SCUBE1: variants seen among roughly 807,000 people sequenced by gnomAD.
The protein encoded by SCUBE1 is signal peptide, CUB domain and EGF like domain containing 1.
SCUBE1 carries 59 observed loss-of-function variants against 124.4 expected under a neutral mutation model. The ratio of observed to expected loss-of-function variants is 0.47; its 90% CI spans 0.38 to 0.59. The LOEUF is 0.59. SCUBE1 is among the 20% of genes least tolerant of loss of function. The pLI, the probability that SCUBE1 is intolerant of heterozygous loss-of-function variation, is 0.00. For missense variants in SCUBE1, 1,150 were observed against 1,371.2 expected (o/e 0.84, Z 2.55); for synonymous variants, 545 against 550.9 (o/e 0.99, Z 0.15).
intron 3 of SCUBE1, among the ~76,000 whole-genome samples, chr22:43,292,066 C>G (rs73424023): frequency 0.028 from 4,286 of 152,242 alleles, 221 homozygotes; most frequent in African/African-American, 0.099. Flanking sequence ...TGCAACCCCA[C>G]GAGCCCCGTC....
At chr22:43,206,173 A>T in intron 21 of SCUBE1, among the ~76,000 whole-genome samples, 1 of 90,732 alleles carries the variant, frequency 1.1e-5, no homozygotes. Flanking sequence ...AACACACCAC[A>T]CACCCACCAC....
In SCUBE1 at chr22:43,222,707, G is replaced by T. The variant is rs1381712927; in HGVS notation, c.1363C>A (p.Pro455Thr). 2 of 1,606,360 alleles carry T rather than the reference G, an allele frequency of 1.2e-6. No homozygotes were observed. Among genetic ancestry groups the T allele is most frequent in the Admixed American group, 3.4e-5 (2 of 59,276 alleles). Residue 455 changes from proline (P) to threonine (T), a missense_variant, in exon 12 of 22, where the codon CCA (proline) becomes ACA (threonine). Physicochemically the swap from Pro to Thr is conservative, Grantham distance 38. Around this residue, in one of 3 missense-constraint regions of SCUBE1, gnomAD observed 757 missense variants for 840.9 expected, o/e 0.90. Coordinates refer to ENST00000360835, the MANE Select transcript of SCUBE1 (RefSeq NM_173050.5). ...ENSYVLSCGV[P>T]GPQGKALQKR... ...TGCAGCGCCTTGCCCTGCGGCCCTG[G>T]AACTCCGCAGCTCAGGACGTAGCTA...
intron 15 of SCUBE1, among the ~76,000 whole-genome samples, chr22:43,214,456 C>T (rs1469073565): frequency 6.6e-6 from 1 of 152,198 alleles, no homozygotes; most frequent in Non-Finnish European, 1.5e-5. Flanking sequence ...GAAGCCTGGC[C>T]CCTCTGGCTG....
At chr22:43,227,346 G>T (rs1569501405) in intron 10 of SCUBE1, 28 bp downstream of exon 10, 1 of 1,598,034 alleles carries the variant, frequency 6.3e-7, no homozygotes, top group Admixed American at 1.7e-5. Flanking sequence ...TGCAGGGGAG[G>T]GGCCAGCAGC....
chr22:43,329,505 C>A (rs1569033564), intron 2 of SCUBE1, among the ~76,000 whole-genome samples: 1 of 152,274 alleles, frequency 6.6e-6, no homozygotes, highest in Non-Finnish European at 1.5e-5. Context: ...TCCATGGACA[C>A]ACTCCCAGCT....
chr22:43,207,693 C>CGGAG (rs1415312827), intron 20 of SCUBE1, 80 bp from the exon 21 acceptor site: 18 of 1,109,146 alleles, frequency 1.6e-5, no homozygotes, highest in East Asian at 7.2e-5. Context: ...CAGCCTCTGC[C>CGGAG]CTCCCTCCTG....
Position 43,198,254 on chromosome 22 carries a change from T to G in SCUBE1, c.*5743A>C, listed in dbSNP as rs1601785002. ...CTTCTTCCTGTTGGGGCTTGGGGGG[T>G]GCAGACAATTCCAGGGGGCTCACTC... On this transcript the variant is annotated 3_prime_UTR_variant, in exon 22 of 22. Transcript: ENST00000360835. The G allele has an allele frequency of 1.4e-5, 4 of 289,642 alleles. No individual in the cohort carries two copies. The highest frequency in any genetic ancestry group is 6.2e-5 in the South Asian group (2 of 32,020). The allele number at this position is 289,642 out of a possible 1,614,324, so 17.9% of individuals were successfully genotyped here.
Position 43,210,054 on chromosome 22 carries a change from A to T in SCUBE1, c.2570T>A (p.Met857Lys). Reference protein sequence around the residue: ...IEDECGDVLVMRKSASPTSIT... With the variant: ...IEDECGDVLVKRKSASPTSIT... ...GGCCCCCAACATACCACTCTTCCTC[A>T]TGACCAGAACATCGCCGCACTCATC... is the stretch of plus-strand genomic sequence containing the variant. The change falls in exon 19 of 22, where the codon ATG (methionine) becomes AAG (lysine). Residue 857 changes from methionine (M) to lysine (K), a missense_variant. Met to Lys is a moderately conservative substitution (Grantham distance 95). Transcript: ENST00000360835. The surrounding 1 kb of genome is among the most constrained non-coding windows in gnomAD (Gnocchi z 4.5). 1 of 1,607,092 alleles carries T rather than the reference A, an allele frequency of 6.2e-7. No homozygotes were observed. The highest frequency in any genetic ancestry group is 8.5e-7 in the Non-Finnish European group (1 of 1,176,566).
At chr22:43,209,577 G>A (rs1424589293) in intron 19 of SCUBE1, among the ~76,000 whole-genome samples, 1 of 152,224 alleles carries the variant, frequency 6.6e-6, no homozygotes, top group Non-Finnish European at 1.5e-5. Context: ...CTCACAGAGG[G>A]GTGGGGAGGG....
At chr22:43,215,446 G>A (rs954468175) in intron 15 of SCUBE1, among the ~76,000 whole-genome samples, 1 of 152,244 alleles carries the variant, frequency 6.6e-6, no homozygotes, top group Non-Finnish European at 1.5e-5. Flanking sequence ...AGAGGTGGCT[G>A]ACATGGCGGG....
In SCUBE1 at chr22:43,315,019, A is replaced by AT. The variant is rs5845593; in HGVS notation, c.349+4917dup. On this transcript the variant is annotated intron_variant, in intron 3 of 21. Transcript: ENST00000360835. ...AGATGGAATGATGCTAGAAATATTG[A>AT]TTTTTTTTAATGTGATAACCCCTAA... Among the ~76,000 whole-genome samples the AT allele has an allele frequency of 7.9e-5, 12 of 151,838 alleles. No individual in the cohort carries two copies. In the East Asian group the frequency reaches 9.7e-4, roughly 12 times the overall value.
At chr22:43,297,148 G>A (rs918270008) in intron 3 of SCUBE1, among the ~76,000 whole-genome samples, 2 of 152,224 alleles carry the variant, frequency 1.3e-5, no homozygotes, top group Admixed American at 6.5e-5. Flanking sequence ...TCTCCCAAGG[G>A]TCTGACCAAG....
intron 10 of SCUBE1, among the ~76,000 whole-genome samples, chr22:43,226,234 C>T (rs1174807654): frequency 3.3e-5 from 5 of 152,146 alleles, no homozygotes; most frequent in Non-Finnish European, 7.4e-5. Context: ...GACAGACAGA[C>T]ATACACCAAC....
chr22:43,224,762 G>C (rs1922236773), intron 10 of SCUBE1, among the ~76,000 whole-genome samples: 1 of 152,090 alleles, frequency 6.6e-6, no homozygotes, highest in African/African-American at 2.4e-5. Flanking sequence ...GTCTGGTTGG[G>C]GGAACCGGAA....
intron 3 of SCUBE1, among the ~76,000 whole-genome samples, chr22:43,305,981 G>C (rs1925954339): frequency 1.3e-5 from 2 of 152,198 alleles, no homozygotes. Flanking sequence ...GGGGTGCCAG[G>C]GCAGCCTGAT....
At chr22:43,246,282 A>G (rs1923207081) in intron 6 of SCUBE1, among the ~76,000 whole-genome samples, 1 of 152,030 alleles carries the variant, frequency 6.6e-6, no homozygotes, top group South Asian at 2.1e-4. Flanking sequence ...TGTGGGTGGG[A>G]TCCCTGGGGC....
At chr22:43,310,310 G>A (rs542022583) in intron 3 of SCUBE1, among the ~76,000 whole-genome samples, 65 of 152,162 alleles carry the variant, frequency 4.3e-4, no homozygotes, top group Middle Eastern at 3.4e-3. Context: ...CTTACCCCGG[G>A]CAGACCTCTG....
chr22:43,240,877 T>C (rs549065297), intron 6 of SCUBE1, among the ~76,000 whole-genome samples: 1 of 152,086 alleles, frequency 6.6e-6, no homozygotes, highest in East Asian at 1.9e-4. Context: ...TCTGGAGAGG[T>C]GGGCAGAGAA....
Position 43,211,620 on chromosome 22 carries a change from G to A in SCUBE1, c.2222-537C>T, listed in dbSNP as rs1458829045. 3.3e-5 allele frequency among the ~76,000 whole-genome samples: 5 copies of A among 151,680 alleles called. No individual in the cohort carries two copies. Among genetic ancestry groups the A allele is most frequent in the African/African-American group, 9.7e-5 (4 of 41,220 alleles). On this transcript the variant is annotated intron_variant, in intron 17 of 21. Coordinates refer to ENST00000360835, the MANE Select transcript of SCUBE1 (RefSeq NM_173050.5). The surrounding 1 kb of genome is among the most constrained non-coding windows in gnomAD (Gnocchi z 4.5). ...CAACCTCCACCTCCTGGGTTCAAGC[G>A]ATCCTCCCCTCCCAGTCTCCCGAGT...
Sources: gnomAD v4.1 joint callset for allele counts (sites outside exome capture counted in the v4.1 genomes callset) on GRCh38, gnomAD v4.1.1 for gene constraint, gnomAD v4.1.1 regional missense constraint, Gnocchi (gnomAD v3.1) non-coding constraint, MANE v1.5 for transcripts, NCBI Gene and HGNC (gene_info 2026-07-23, HGNC 2026-07-21) for gene names.